MGAT5: variants seen among roughly 807,000 people sequenced by gnomAD.
The protein encoded by MGAT5 is alpha-1,6-mannosylglycoprotein 6-beta-N-acetylglucosaminyltransferase.
Under a neutral mutation model 94.3 loss-of-function variants are expected in MGAT5, and 30 were observed. The observed-to-expected ratio is 0.32, with a 90% confidence interval of 0.24 to 0.43. The LOEUF (loss-of-function observed/expected upper bound fraction) is 0.43. Among genes scored for constraint, MGAT5 ranks in the 20% least tolerant of loss-of-function variants. The pLI is 1.00. For synonymous variants in MGAT5, 310 were observed against 322.9 expected (o/e 0.96, Z 0.43); for missense variants, 691 against 905.5 (o/e 0.76, Z 3.04).
chr2:134,382,045 A>G (rs546370053), intron 10 of MGAT5, among the ~76,000 whole-genome samples: 106 of 152,284 alleles, frequency 7.0e-4, no homozygotes, highest in Non-Finnish European at 1.1e-3. Context: ...GAGCTTTGCT[A>G]TGGTTCTCAG....
chr2:134,273,138 G>C (rs1037449593), intron 2 of MGAT5, among the ~76,000 whole-genome samples: 2 of 152,172 alleles, frequency 1.3e-5, no homozygotes, highest in South Asian at 4.1e-4. Flanking sequence ...AGGTGGGGGG[G>C]GGTCCTTTAT....
chr2:134,325,266 G>A (rs1573807814), intron 4 of MGAT5, among the ~76,000 whole-genome samples: 1 of 152,070 alleles, frequency 6.6e-6, no homozygotes, highest in Admixed American at 6.6e-5. Flanking sequence ...ACATGTGGCA[G>A]GATGGGGCTT....
At chr2:134,202,618 A>G (rs1558985693) in intron 1 of MGAT5, among the ~76,000 whole-genome samples, 1 of 152,234 alleles carries the variant, frequency 6.6e-6, no homozygotes, top group Non-Finnish European at 1.5e-5. Flanking sequence ...GCCAGCCTCT[A>G]CAGCCCAGCT....
At chr2:134,158,994 A>T (rs77292712) in intron 1 of MGAT5, among the ~76,000 whole-genome samples, 1 of 152,216 alleles carries the variant, frequency 6.6e-6, no homozygotes, top group Non-Finnish European at 1.5e-5. Flanking sequence ...AAAAGAATGT[A>T]AACTATTTCA....
intron 1 of MGAT5, among the ~76,000 whole-genome samples, chr2:134,155,235 C>T (rs1282638566): frequency 6.6e-6 from 1 of 152,240 alleles, no homozygotes; most frequent in Non-Finnish European, 1.5e-5. Flanking sequence ...CAGGCTCCTG[C>T]CATTTCTGGC....
chr2:134,330,581 G>GTGTGTGTGTGTGTGTA (rs56795876), intron 4 of MGAT5, among the ~76,000 whole-genome samples: 1 of 137,082 alleles, frequency 7.3e-6, no homozygotes, highest in Non-Finnish European at 1.7e-5. Context: ...GTGTGTGTGT[G>GTGTGTGTGTGTGTGTA]TGTTACGAAG....
chr2:134,368,919 C>T (rs1680605713), intron 10 of MGAT5, among the ~76,000 whole-genome samples: 1 of 152,208 alleles, frequency 6.6e-6, no homozygotes, highest in Admixed American at 6.5e-5. Flanking sequence ...GCCAAGACCA[C>T]CCTGTTCCAC....
At chr2:134,369,068 C>T (rs1362014465) in intron 10 of MGAT5, among the ~76,000 whole-genome samples, 1 of 152,144 alleles carries the variant, frequency 6.6e-6, no homozygotes, top group African/African-American at 2.4e-5. Context: ...AGACTATATG[C>T]TCTGTGAGAG....
chr2:134,274,579 T>C (rs1356778232), intron 2 of MGAT5, among the ~76,000 whole-genome samples: 4 of 152,004 alleles, frequency 2.6e-5, no homozygotes, highest in Non-Finnish European at 5.9e-5. Flanking sequence ...AGTGTATGTA[T>C]GTGCATGTGT....
At chr2:134,333,277 C>G (rs1314683558) in intron 4 of MGAT5, among the ~76,000 whole-genome samples, 2 of 151,882 alleles carry the variant, frequency 1.3e-5, no homozygotes, top group South Asian at 2.1e-4. Flanking sequence ...AGTTCATGTC[C>G]TTTGTAGGGA....
At chr2:134,264,021 T>TA (rs34910075) in intron 1 of MGAT5, among the ~76,000 whole-genome samples, 2 of 137,502 alleles carry the variant, frequency 1.5e-5, no homozygotes, top group African/African-American at 3.0e-5. Flanking sequence ...CATTAGGTTT[T>TA]TTTTTTTTTT....
intron 8 of MGAT5, among the ~76,000 whole-genome samples, chr2:134,345,487 T>C (rs1041051835): frequency 1.3e-5 from 2 of 152,160 alleles, no homozygotes; most frequent in African/African-American, 4.8e-5. Context: ...ATACGTTATC[T>C]GAATGCTGGG....
intron 6 of MGAT5, among the ~76,000 whole-genome samples, chr2:134,340,226 T>C (rs2105998070): frequency 6.6e-6 from 1 of 152,318 alleles, no homozygotes; most frequent in South Asian, 2.1e-4. Context: ...CCCCACACTT[T>C]AGTCTCTAAA....
At chr2:134,272,035 C>T (rs1023106252) in intron 2 of MGAT5, among the ~76,000 whole-genome samples, 2 of 152,162 alleles carry the variant, frequency 1.3e-5, no homozygotes, top group African/African-American at 2.4e-5. Flanking sequence ...GCTTGTGAGC[C>T]TCTATAAACA....
At chr2:134,367,362 T>A (rs1312299701) in intron 10 of MGAT5, among the ~76,000 whole-genome samples, 1 of 152,228 alleles carries the variant, frequency 6.6e-6, no homozygotes, top group African/African-American at 2.4e-5. Flanking sequence ...ATTCTAATTC[T>A]TAGTCTATGT....
At chr2:134,319,769 T>C (rs368096386) in intron 4 of MGAT5, 34 of 422,478 alleles carry the variant, frequency 8.0e-5, no homozygotes, top group Non-Finnish European at 1.1e-4. Flanking sequence ...TTTGGAATTC[T>C]CCCAGTGACA....
At chr2:134,385,963 T>C (rs1229998198) in intron 10 of MGAT5, among the ~76,000 whole-genome samples, 3 of 152,118 alleles carry the variant, frequency 2.0e-5, no homozygotes, top group Admixed American at 1.3e-4. Context: ...TAAAAAGCTG[T>C]GCTAATCAAC....
chr2:134,261,769 C>T (rs1683354750), intron 1 of MGAT5, among the ~76,000 whole-genome samples: 1 of 152,182 alleles, frequency 6.6e-6, no homozygotes, highest in Non-Finnish European at 1.5e-5. Context: ...TGCCCCAGAG[C>T]TTAGTACCTT....
chr2:134,263,934 G>A (rs138838664), intron 1 of MGAT5, among the ~76,000 whole-genome samples: 9 of 147,690 alleles, frequency 6.1e-5, no homozygotes, highest in Admixed American at 2.0e-4. Context: ...AAAGTGATAC[G>A]TACATGTGTG....
Sources: allele counts gnomAD v4.1 joint callset (sites outside exome capture counted in the v4.1 genomes callset), GRCh38; gene constraint gnomAD v4.1.1; transcripts MANE v1.5; gene names NCBI Gene and HGNC (gene_info 2026-07-23, HGNC 2026-07-21).